GNG4: variants seen among roughly 807,000 people sequenced by gnomAD.
GNG4 encodes guanine nucleotide-binding protein G(I)/G(S)/G(O) subunit gamma-4.
GNG4 carries 4 observed loss-of-function variants against 5.8 expected under a neutral mutation model. The ratio of observed to expected loss-of-function variants is 0.69; its 90% CI spans 0.34 to 1.57. The LOEUF is 1.57. Ranked by LOEUF, GNG4 falls within the 40% of genes most tolerant of loss-of-function variation. The probability of loss-of-function intolerance (pLI) is 0.06; values close to 1 mark genes in which losing one functional copy is unlikely to be tolerated. For synonymous variants in GNG4, 29 were observed against 32.9 expected, an observed-to-expected ratio of 0.88 and a Z score of 0.41; for missense variants, 96 against 95.1, an observed-to-expected ratio of 1.01 and a Z score of -0.04.
intron 1 of GNG4, among the ~76,000 whole-genome samples, chr1:235,635,616 C>T (rs901460058): frequency 1.3e-5 from 2 of 152,258 alleles, no homozygotes; most frequent in African/African-American, 4.8e-5. Context: ...CATGCTTGTA[C>T]AACCTGCAGA....
chr1:235,587,955 G>A (rs1184702540), intron 2 of GNG4, among the ~76,000 whole-genome samples: 1 of 151,558 alleles, frequency 6.6e-6, no homozygotes, highest in East Asian at 1.9e-4. Flanking sequence ...CATGTGCACA[G>A]GTGGGTCATG....
intron 3 of GNG4, among the ~76,000 whole-genome samples, chr1:235,553,705 A>G (rs1181839256): frequency 6.6e-6 from 1 of 152,232 alleles, no homozygotes; most frequent in East Asian, 1.9e-4. Flanking sequence ...GAGTTAGTCT[A>G]AATCCTGACA....
At chr1:235,641,648 G>A (rs1558506962) in intron 1 of GNG4, among the ~76,000 whole-genome samples, 1 of 152,052 alleles carries the variant, frequency 6.6e-6, no homozygotes, top group Non-Finnish European at 1.5e-5. Flanking sequence ...CCGAGATCGC[G>A]CCACTGCACT....
intron 2 of GNG4, among the ~76,000 whole-genome samples, chr1:235,590,646 C>T (rs1298057750): frequency 6.6e-6 from 1 of 152,124 alleles, no homozygotes; most frequent in Non-Finnish European, 1.5e-5. Flanking sequence ...CCCTTGTTGC[C>T]CAGAGTGATC....
chr1:235,577,869 C>A (rs1407133819), intron 3 of GNG4, among the ~76,000 whole-genome samples: 1 of 152,138 alleles, frequency 6.6e-6, no homozygotes. Flanking sequence ...CTCCCTCTTT[C>A]CTTCCTCCTC....
chr1:235,573,636 G>T (rs980587376), intron 3 of GNG4, among the ~76,000 whole-genome samples: 6 of 152,028 alleles, frequency 3.9e-5, no homozygotes, highest in Non-Finnish European at 8.8e-5. Flanking sequence ...AATTAGCCGG[G>T]TGTGGTGGCG....
At chr1:235,557,836 C>T (rs1686958652) in intron 3 of GNG4, among the ~76,000 whole-genome samples, 1 of 152,190 alleles carries the variant, frequency 6.6e-6, no homozygotes, top group African/African-American at 2.4e-5. Flanking sequence ...TGTTCCACTC[C>T]ATAGCAGAGT....
chr1:235,593,405 C>G (rs148862001), intron 2 of GNG4, among the ~76,000 whole-genome samples: 1 of 152,192 alleles, frequency 6.6e-6, no homozygotes, highest in Non-Finnish European at 1.5e-5. Flanking sequence ...AGCCAAATGT[C>G]ATTGTGCCTT....
chr1:235,570,317 C>T (rs1380594437), intron 3 of GNG4, among the ~76,000 whole-genome samples: 20 of 151,918 alleles, frequency 1.3e-4, no homozygotes, highest in Admixed American at 5.9e-4. Flanking sequence ...CCACTCTTTC[C>T]AGTGGTGCTC....
At chr1:235,635,103 C>T (rs1689008669) in intron 1 of GNG4, among the ~76,000 whole-genome samples, 1 of 152,128 alleles carries the variant, frequency 6.6e-6, no homozygotes, top group African/African-American at 2.4e-5. Context: ...AAGGATTTTG[C>T]AAACCATGGT....
intron 3 of GNG4, among the ~76,000 whole-genome samples, chr1:235,570,880 G>GTGTGTGTA (rs1182279062): frequency 1.4e-5 from 2 of 143,218 alleles, no homozygotes; most frequent in Non-Finnish European, 3.0e-5. Flanking sequence ...GTGTGTGTGT[G>GTGTGTGTA]TATATGTATG....
intron 1 of GNG4, chr1:235,615,788 A>G: frequency 3.8e-6 from 1 of 261,992 alleles, no homozygotes; most frequent in Non-Finnish European, 7.7e-6. Flanking sequence ...GGGGACCTGG[A>G]CCACATGAGC....
intron 1 of GNG4, among the ~76,000 whole-genome samples, chr1:235,619,214 T>C (rs201109719): frequency 1.3e-4 from 19 of 144,212 alleles, no homozygotes; most frequent in Admixed American, 3.5e-4. Context: ...TATATATATA[T>C]ACACACACAC....
chr1:235,645,797 CAAAAAAAAAA>C (rs6143682), intron 1 of GNG4, among the ~76,000 whole-genome samples: 11 of 90,380 alleles, frequency 1.2e-4, no homozygotes, highest in South Asian at 5.0e-4. Flanking sequence ...AACTCAGTCT[CAAAAAAAAAA>C]AAAAAAAAAA....
At chr1:235,622,786 C>T (rs918459399) in intron 1 of GNG4, among the ~76,000 whole-genome samples, 1 of 150,290 alleles carries the variant, frequency 6.7e-6, no homozygotes, top group Non-Finnish European at 1.5e-5. Flanking sequence ...GCAGAAGAAT[C>T]GCTTGAACCT....
rs1165131756 is a variant in GNG4, at chr1:235,547,731, C to T, written c.*4378G>A. On this transcript the variant is annotated 3_prime_UTR_variant, in exon 4 of 4. Transcript: ENST00000391854. ...TTTTTATTGAAGTATAACATACACA[C>T]AGAAAAGTGCCCAGATCAAAAGTGT... The T allele has an allele frequency of 6.6e-6, 1 of 152,090 alleles. No homozygotes were observed. Among genetic ancestry groups the T allele is most frequent in the Non-Finnish European group, 1.5e-5 (1 of 68,026 alleles). The allele number at this position is 152,090 out of a possible 1,614,324, so 9.4% of individuals were successfully genotyped here.
At chr1:235,597,108 CTG>C (rs1390777580) in intron 1 of GNG4, among the ~76,000 whole-genome samples, 4 of 152,192 alleles carry the variant, frequency 2.6e-5, no homozygotes, top group Non-Finnish European at 5.9e-5. Flanking sequence ...TCCTCCGTAA[CTG>C]TGACTTCTCC....
intron 1 of GNG4, among the ~76,000 whole-genome samples, chr1:235,627,220 T>C (rs114077961): frequency 0.059 from 8,968 of 151,682 alleles, 572 homozygotes; most frequent in African/African-American, 0.16. Context: ...TTTTTGTTTG[T>C]TTGTTTGTTT....
rs986435649 is a variant in GNG4, at chr1:235,633,085, G to GA, written c.-123+16576dup. Among the ~76,000 whole-genome samples the GA allele has an allele frequency of 2.0e-5, 3 of 151,820 alleles. No individual in the cohort carries two copies. In the East Asian group the frequency reaches 5.8e-4, roughly 29 times the overall value. On this transcript the variant is annotated intron_variant, in intron 1 of 3. Coordinates refer to ENST00000391854, the MANE Select transcript of GNG4 (RefSeq NM_001098722.2). ...TGGAAGAGAGTATATTGGCAGCAGT[G>GA]AAAAAAAATATAGGACTCATTTAAA... is the stretch of plus-strand genomic sequence containing the variant.
Sources: gnomAD v4.1 joint callset for allele counts (sites outside exome capture counted in the v4.1 genomes callset) on GRCh38, gnomAD v4.1.1 for gene constraint, MANE v1.5 for transcripts, NCBI Gene and HGNC (gene_info 2026-07-23, HGNC 2026-07-21) for gene names.